SPATA31H1: variants seen among roughly 807,000 people sequenced by gnomAD.
SPATA31H1 encodes the protein spermatogenesis-associated protein 31H1.
the SPATA31H1 span, among the ~76,000 whole-genome samples, chr2:27,560,722 G>A: frequency 7.9e-5 from 12 of 152,284 alleles, no homozygotes; most frequent in Admixed American, 5.2e-4. Context: ...CTCCCAAAGT[G>A]CTGGGATTAA....
At chr2:27,577,169 A>C in the SPATA31H1 span, 1 of 1,614,066 alleles carries the variant, frequency 6.2e-7, no homozygotes, top group Non-Finnish European at 8.5e-7. This position sits in a 1 kb window ranked among gnomAD's most constrained non-coding sequence, Gnocchi z 4.5. Context: ...TGCTGCAGCC[A>C]GATCTTCAGG....
chr2:27,578,039 A>T, the SPATA31H1 span: 1 of 1,614,024 alleles, frequency 6.2e-7, no homozygotes, highest in African/African-American at 1.3e-5. Context: ...CAGAATCTGC[A>T]AGGACACAGC....
chr2:27,544,628 A>G, the SPATA31H1 span, among the ~76,000 whole-genome samples: 1 of 148,664 alleles, frequency 6.7e-6, no homozygotes, highest in Non-Finnish European at 1.5e-5. Context: ...TCTGCCTCCC[A>G]GATTCAAGCG....
chr2:27,539,324 G>C, the SPATA31H1 span, among the ~76,000 whole-genome samples: 1 of 146,790 alleles, frequency 6.8e-6, no homozygotes, highest in Admixed American at 6.7e-5. Context: ...GACTCTTAAC[G>C]AGCATGCTGC....
At chr2:27,537,775 A>C in the SPATA31H1 span, among the ~76,000 whole-genome samples, 1 of 152,256 alleles carries the variant, frequency 6.6e-6, no homozygotes, top group South Asian at 2.1e-4. Context: ...ATTCTCTAGG[A>C]GCTCGAGGTG....
chr2:27,580,367 T>G, the SPATA31H1 span: 5 of 1,613,902 alleles, frequency 3.1e-6, no homozygotes, highest in Non-Finnish European at 4.2e-6. Flanking sequence ...TACCAGAGAG[T>G]GACTCTGAAA....
the SPATA31H1 span, chr2:27,582,335 T>C: frequency 1.2e-6 from 2 of 1,613,512 alleles, no homozygotes; most frequent in Non-Finnish European, 1.7e-6. Context: ...GGAGGCCCTC[T>C]GGGAGGAACC....
At chr2:27,561,034 C>T in the SPATA31H1 span, among the ~76,000 whole-genome samples, 1 of 152,172 alleles carries the variant, frequency 6.6e-6, no homozygotes, top group South Asian at 2.1e-4. Flanking sequence ...GTGGGAAGGT[C>T]TTCTACTGGA....
At chr2:27,548,012 T>G in the SPATA31H1 span, among the ~76,000 whole-genome samples, 27 of 148,652 alleles carry the variant, frequency 1.8e-4, 2 homozygotes, top group African/African-American at 6.8e-4. Context: ...GATAGAGTCT[T>G]GCTCTGTCAC....
chr2:27,571,858 G>A, the SPATA31H1 span: 3 of 398,472 alleles, frequency 7.5e-6, no homozygotes, highest in East Asian at 1.1e-4. Flanking sequence ...ATAACCAGAG[G>A]AGAAGAGTTT....
At chr2:27,561,235 G>A in the SPATA31H1 span, among the ~76,000 whole-genome samples, 2 of 152,178 alleles carry the variant, frequency 1.3e-5, no homozygotes, top group African/African-American at 4.8e-5. Context: ...AGGAGGCTGA[G>A]GTGTGTGAAT....
chr2:27,546,463 G>A, the SPATA31H1 span, among the ~76,000 whole-genome samples: 17 of 151,900 alleles, frequency 1.1e-4, no homozygotes, highest in Non-Finnish European at 2.1e-4. Context: ...AATGAGTGAG[G>A]TACTCACCTT....
the SPATA31H1 span, among the ~76,000 whole-genome samples, chr2:27,541,216 G>A: frequency 6.6e-6 from 1 of 151,756 alleles, no homozygotes; most frequent in African/African-American, 2.4e-5. Flanking sequence ...GCAAAACCCC[G>A]TCTCCACCAA....
chr2:27,572,754 C>T, the SPATA31H1 span: 2 of 396,716 alleles, frequency 5.0e-6, no homozygotes, highest in African/African-American at 4.2e-5. Context: ...AGGTGTCAAA[C>T]CTGGAGAGTC....
chr2:27,579,317 A>G, the SPATA31H1 span: 1 of 1,614,228 alleles, frequency 6.2e-7, no homozygotes, highest in South Asian at 1.1e-5. Context: ...CTTTAGCAGA[A>G]AGAGCCACTG....
At chr2:27,567,768 C>A in the SPATA31H1 span, 1 of 399,040 alleles carries the variant, frequency 2.5e-6, no homozygotes, top group Non-Finnish European at 4.4e-6. Flanking sequence ...GATACAGCAG[C>A]ACAAGACACA....
chr2:27,577,677 G>A, the SPATA31H1 span: 1 of 1,614,094 alleles, frequency 6.2e-7, no homozygotes. The surrounding 1 kb of genome is among the most constrained non-coding windows in gnomAD (Gnocchi z 4.5). Context: ...TTCTAAGTCA[G>A]GAGTGCAGGT....
the SPATA31H1 span, among the ~76,000 whole-genome samples, chr2:27,553,704 C>G: frequency 6.6e-6 from 1 of 151,604 alleles, no homozygotes; most frequent in Non-Finnish European, 1.5e-5. Flanking sequence ...GGCAGATCAC[C>G]TGAGGTCAGG....
At chr2:27,572,785 G>C in the SPATA31H1 span, 1 of 397,974 alleles carries the variant, frequency 2.5e-6, no homozygotes, top group Non-Finnish European at 4.4e-6. Flanking sequence ...ATAGAGTCAG[G>C]AGGTGTAAAG....
Sources: gnomAD v4.1 joint callset for allele counts (sites outside exome capture counted in the v4.1 genomes callset) on GRCh38, gnomAD v4.1.1 for gene constraint, Gnocchi (gnomAD v3.1) non-coding constraint, MANE v1.5 for transcripts, NCBI Gene and HGNC (gene_info 2026-07-23, HGNC 2026-07-21) for gene names.